Variants in SCAPER observed in about 807,000 individuals in gnomAD.
The protein encoded by SCAPER is S-phase cyclin A associated protein in the ER.
SCAPER carries 98 observed loss-of-function variants against 182.2 expected under a neutral mutation model. The ratio of observed to expected loss-of-function variants is 0.54; its 90% confidence interval spans 0.46 to 0.64. SCAPER has a LOEUF of 0.64. SCAPER is among the 30% of genes least tolerant of loss of function. The probability of loss-of-function intolerance (pLI) is 0.00; values close to 1 mark genes in which losing one functional copy is unlikely to be tolerated. For synonymous variants in SCAPER, 605 were observed against 564.6 expected (o/e 1.07, Z -1.01); for missense variants, 1,432 against 1,690.0 (o/e 0.85, Z 2.68).
chr15:76,568,190 CATATATATATATATATATATAT>C (rs60959582), intron 23 of SCAPER, among the ~76,000 whole-genome samples: 6 of 138,710 alleles, frequency 4.3e-5, no homozygotes, highest in African/African-American at 1.8e-4. Flanking sequence ...ATGGATCAAG[CATATATATATATATATATATAT>C]ATATATATAT....
intron 24 of SCAPER, among the ~76,000 whole-genome samples, chr15:76,495,131 CA>C: frequency 6.6e-6 from 1 of 152,218 alleles, no homozygotes; most frequent in Middle Eastern, 3.4e-3. Flanking sequence ...AAAAAAATCT[CA>C]ACACTGTGGC....
At chr15:76,400,895 TAATAA>T (rs893228341) in intron 27 of SCAPER, among the ~76,000 whole-genome samples, 2 of 151,672 alleles carry the variant, frequency 1.3e-5, no homozygotes, top group Non-Finnish European at 2.9e-5. Context: ...TTCATATACA[TAATAA>T]AATAAATTAT....
At position 76,668,021 on chromosome 15, in the gene SCAPER, T is replaced by G. The variant is rs969016897; in HGVS notation, c.2509-2232A>C. 1.2e-4 allele frequency among the ~76,000 whole-genome samples: 19 copies of G among 152,138 alleles called. 1 individual carries two copies. The highest frequency in any genetic ancestry group is 4.1e-4 in the African/African-American group (17 of 41,546). ...CCAGTTAGGTGGAACATTTCCACAA[T>G]CAGCATTTCGAAAATAACACGTCTA... is the stretch of plus-strand genomic sequence containing the variant. On this transcript the variant is annotated intron_variant, in intron 20 of 31. Transcript: ENST00000563290.
At chr15:76,652,514 T>TAC (rs1197105259) in intron 21 of SCAPER, among the ~76,000 whole-genome samples, 16 of 63,390 alleles carry the variant, frequency 2.5e-4, no homozygotes, top group Admixed American at 6.6e-4. Context: ...TATATTTACA[T>TAC]ACATACACAC....
In SCAPER at chr15:76,568,151, T is replaced by C. The variant is rs2047174133; in HGVS notation, c.2838+6007A>G. On this transcript the variant is annotated intron_variant, in intron 23 of 31. Transcript: ENST00000563290. ...CGTTTTGTGGTGCTTCCTTTTTCCA[T>C]ATGTGCATAGACAAGTACCTCACAT... Among the ~76,000 whole-genome samples, 3 of 150,640 alleles carry C rather than the reference T, an allele frequency of 2.0e-5. No homozygotes were observed. In the South Asian group the frequency reaches 6.3e-4, roughly 31 times the overall value.
At chr15:76,437,865 T>A (rs915154375) in intron 25 of SCAPER, among the ~76,000 whole-genome samples, 2 of 152,172 alleles carry the variant, frequency 1.3e-5, no homozygotes, top group Non-Finnish European at 1.5e-5. Flanking sequence ...ACATACATAG[T>A]CAAGGGAGCA....
intron 2 of SCAPER, among the ~76,000 whole-genome samples, chr15:76,869,095 A>G (rs2072510529): frequency 6.6e-6 from 1 of 152,230 alleles, no homozygotes; most frequent in South Asian, 2.1e-4. Flanking sequence ...CCTATCTCTC[A>G]CCATACCAAA....
chr15:76,768,896 T>C (rs181127476), intron 10 of SCAPER, among the ~76,000 whole-genome samples: 1 of 152,226 alleles, frequency 6.6e-6, no homozygotes, highest in Admixed American at 6.5e-5. Context: ...GGCATCTTTA[T>C]TCATTAAAGA....
rs1204650288 is a variant in SCAPER at position 76,637,732 on chromosome 15, ATATATATATATGTGTGTGTGTGTG to A, written c.2646-15927_2646-15904del. 3.1e-3 allele frequency among the ~76,000 whole-genome samples: 93 copies of A among 29,880 alleles called. 1 individual carries two copies. Among genetic ancestry groups the A allele is most frequent in the African/African-American group, 8.0e-3 (91 of 11,312 alleles). The allele number at this position is 29,880 out of a possible 152,430, so 19.6% of individuals were successfully genotyped here. On this transcript the variant is annotated intron_variant, in intron 21 of 31. Transcript: ENST00000563290. ...ACAATATATATGTGATTATATATATATATATATATATGTGTGTGTGTGTGTGTGTGTGTGTGTGTGTGTGTGTGT... is the reference window on the plus strand; with the variant it reads ...ACAATATATATGTGATTATATATATATGTGTGTGTGTGTGTGTGTGTGTGT...
rs1300661265 is a variant in SCAPER, at chr15:76,592,711, G to A, written c.2712-18427C>T. On this transcript the variant is annotated intron_variant, in intron 22 of 31. Coordinates refer to ENST00000563290, the MANE Select transcript of SCAPER (RefSeq NM_020843.4). ...TGAGGTGTTGCCTCACCTGGGACGC[G>A]CAAGGGTTTGGGGAACTCCCTCCCC... 2.4e-5 allele frequency among the ~76,000 whole-genome samples: 3 copies of A among 122,576 alleles called. 1 individual carries two copies. The highest frequency in any genetic ancestry group is 4.0e-5 in the Non-Finnish European group (2 of 50,246). The allele number at this position is 122,576 out of a possible 152,430, so 80.4% of individuals were successfully genotyped here. A position where few individuals can be genotyped will look rare whatever the true frequency, so the allele number is the denominator to read the frequency against.
intron 5 of SCAPER, among the ~76,000 whole-genome samples, chr15:76,808,669 T>C (rs2066367699): frequency 6.6e-6 from 1 of 152,234 alleles, no homozygotes; most frequent in Non-Finnish European, 1.5e-5. Flanking sequence ...AGCAGTCTTC[T>C]GGGACCATAA....
At chr15:76,524,428 C>T (rs2043034796) in intron 23 of SCAPER, among the ~76,000 whole-genome samples, 1 of 152,100 alleles carries the variant, frequency 6.6e-6, no homozygotes, top group African/African-American at 2.4e-5. Flanking sequence ...AAGATCATTA[C>T]TTCTGGGAAA....
chr15:76,651,826 A>C (rs1377859714), intron 21 of SCAPER, among the ~76,000 whole-genome samples: 2 of 151,760 alleles, frequency 1.3e-5, no homozygotes, highest in African/African-American at 2.4e-5. Flanking sequence ...AAAAAAAAAA[A>C]AAAACTTCAG....
chr15:76,813,227 TAAAAAA>T (rs746891532), intron 5 of SCAPER, among the ~76,000 whole-genome samples: 27 of 17,282 alleles, frequency 1.6e-3, no homozygotes, highest in South Asian at 8.4e-3. Context: ...ATCCTTTCAC[TAAAAAA>T]AAAAAAAAAA....
At chr15:76,566,973 C>G (rs2047080115) in intron 23 of SCAPER, among the ~76,000 whole-genome samples, 1 of 152,028 alleles carries the variant, frequency 6.6e-6, no homozygotes, top group South Asian at 2.1e-4. Context: ...AAGAAGCCAC[C>G]TATATGACTC....
chr15:76,702,104 A>G (rs113557153), intron 19 of SCAPER, among the ~76,000 whole-genome samples: 12,456 of 152,092 alleles, frequency 0.082, 651 homozygotes, highest in East Asian at 0.12. Flanking sequence ...CGGAGGTTGC[A>G]GTGAGCTGAG....
intron 4 of SCAPER, among the ~76,000 whole-genome samples, chr15:76,846,223 C>A (rs2070067674): frequency 6.6e-6 from 1 of 152,010 alleles, no homozygotes; most frequent in Non-Finnish European, 1.5e-5. Flanking sequence ...AATCTAAGAC[C>A]TCAAACTATG....
At chr15:76,609,881 T>C (rs1318373820) in intron 22 of SCAPER, among the ~76,000 whole-genome samples, 1 of 152,194 alleles carries the variant, frequency 6.6e-6, no homozygotes, top group Admixed American at 6.5e-5. Flanking sequence ...TACTTCTTTT[T>C]TTTTCCCCCT....
intron 21 of SCAPER, among the ~76,000 whole-genome samples, chr15:76,642,911 T>C (rs2054216809): frequency 6.6e-6 from 1 of 152,182 alleles, no homozygotes; most frequent in African/African-American, 2.4e-5. Flanking sequence ...CACCAGCACA[T>C]ATCCAAAAGG....
Sources: allele counts gnomAD v4.1 joint callset (sites outside exome capture counted in the v4.1 genomes callset), GRCh38; gene constraint gnomAD v4.1.1; transcripts MANE v1.5; gene names NCBI Gene and HGNC (gene_info 2026-07-23, HGNC 2026-07-21).